The following STXBP5L variants were observed in gnomAD, a reference collection of about 807,000 sequenced individuals.
The protein encoded by STXBP5L is syntaxin-binding protein 5-like.
STXBP5L carries 65 observed loss-of-function variants against 144.5 expected under a neutral mutation model. That is an observed-to-expected ratio of 0.45 (90% confidence interval 0.37 to 0.55). The LOEUF (loss-of-function observed/expected upper bound fraction) is 0.55, where lower values mean the gene tolerates loss of function less well. Among genes scored for constraint, STXBP5L ranks in the 20% least tolerant of loss-of-function variants. The pLI, the probability that STXBP5L is intolerant of heterozygous loss-of-function variation, is 0.00. For synonymous variants in STXBP5L, 505 were observed against 469.6 expected, an observed-to-expected ratio of 1.08 and a Z score of -0.97; for missense variants, 1,298 against 1,405.5, an observed-to-expected ratio of 0.92 and a Z score of 1.22.
intron 9 of STXBP5L, among the ~76,000 whole-genome samples, chr3:121,205,697 A>G (rs954125336): frequency 2.0e-5 from 3 of 152,212 alleles, no homozygotes; most frequent in African/African-American, 7.2e-5. Context: ...ATATAATTTT[A>G]CAGGTAATTT....
At chr3:121,187,483 T>C (rs2047439572) in intron 9 of STXBP5L, among the ~76,000 whole-genome samples, 1 of 150,804 alleles carries the variant, frequency 6.6e-6, no homozygotes, top group Admixed American at 6.6e-5. Flanking sequence ...GGGTGCAGCA[T>C]ACCAACATGG....
At chr3:121,228,793 C>T (rs1434468980) in intron 11 of STXBP5L, among the ~76,000 whole-genome samples, 6 of 152,178 alleles carry the variant, frequency 3.9e-5, no homozygotes, top group Non-Finnish European at 7.3e-5. Context: ...AGAAGAATCG[C>T]TTGAACCTGA....
At chr3:120,977,225 G>T (rs529263623) in intron 3 of STXBP5L, among the ~76,000 whole-genome samples, 4 of 152,158 alleles carry the variant, frequency 2.6e-5, no homozygotes, top group African/African-American at 7.2e-5. Context: ...GAATCTGGGT[G>T]CTCCTGTATT....
intron 3 of STXBP5L, among the ~76,000 whole-genome samples, chr3:121,024,984 A>G (rs1181719120): frequency 6.6e-6 from 1 of 152,124 alleles, no homozygotes; most frequent in Non-Finnish European, 1.5e-5. Flanking sequence ...TGTTAAAATG[A>G]TAGTTTAAAT....
chr3:121,200,527 A>G (rs545515892), intron 9 of STXBP5L, among the ~76,000 whole-genome samples: 2 of 151,744 alleles, frequency 1.3e-5, no homozygotes, highest in South Asian at 2.1e-4. Flanking sequence ...CCAGCTTTTG[A>G]ATTTGTTTGC....
chr3:120,909,802 T>C lies in STXBP5L; in HGVS notation c.189+35T>C, dbSNP rs1438204142. Reference sequence around the variant, plus strand: ...GAATTGGCTTAAAGCCTATTATTTCTTTATTATACTGTTGTAAGGAAACAA... The same window carrying C: ...GAATTGGCTTAAAGCCTATTATTTCCTTATTATACTGTTGTAAGGAAACAA... On this transcript the variant is annotated intron_variant, in intron 2 of 26. Transcript: ENST00000471454. 1.9e-6 allele frequency: 3 copies of C among 1,574,006 alleles called. No individual in the cohort carries two copies. In the South Asian group the frequency reaches 3.5e-5, roughly 18 times the overall value.
intron 3 of STXBP5L, among the ~76,000 whole-genome samples, chr3:121,030,057 G>C (rs1405835567): frequency 6.6e-6 from 1 of 152,196 alleles, no homozygotes; most frequent in Non-Finnish European, 1.5e-5. Context: ...TGGAGAAATA[G>C]GAACACTTTT....
chr3:120,956,545 G>A (rs1253017698), intron 3 of STXBP5L, among the ~76,000 whole-genome samples: 2 of 151,818 alleles, frequency 1.3e-5, no homozygotes, highest in African/African-American at 4.8e-5. Flanking sequence ...TTCATTGTGT[G>A]TATATATCAC....
At chr3:121,369,580 A>AT (rs1194587835) in intron 20 of STXBP5L, among the ~76,000 whole-genome samples, 22 of 148,004 alleles carry the variant, frequency 1.5e-4, no homozygotes, top group East Asian at 4.0e-4. Flanking sequence ...TTTTTCTTTG[A>AT]TTTTTTTTTC....
chr3:121,240,163 A>G (rs528566681), intron 13 of STXBP5L, among the ~76,000 whole-genome samples: 99 of 152,290 alleles, frequency 6.5e-4, no homozygotes, highest in African/African-American at 2.4e-3. Flanking sequence ...TGATGCATGT[A>G]GCAACACTGT....
At chr3:121,087,525 T>G (rs1201370292) in intron 5 of STXBP5L, among the ~76,000 whole-genome samples, 1 of 152,114 alleles carries the variant, frequency 6.6e-6, no homozygotes, top group African/African-American at 2.4e-5. Flanking sequence ...GCACGATATA[T>G]CTTTGTCTAT....
At chr3:121,250,613 T>A in intron 14 of STXBP5L, 110 bp from the exon 15 acceptor site, 1 of 857,276 alleles carries the variant, frequency 1.2e-6, no homozygotes, top group South Asian at 1.6e-5. Context: ...ATTAAAGTGG[T>A]ATTTTTGAAT....
chr3:121,105,072 G>A (rs190005988), intron 5 of STXBP5L, among the ~76,000 whole-genome samples: 52 of 152,168 alleles, frequency 3.4e-4, no homozygotes, highest in African/African-American at 1.2e-3. Context: ...ATCAAAAAGT[G>A]GGCTAAGGAC....
At chr3:120,979,637 C>T (rs138592582) in intron 3 of STXBP5L, among the ~76,000 whole-genome samples, 24 of 152,290 alleles carry the variant, frequency 1.6e-4, no homozygotes, top group African/African-American at 2.2e-4. Flanking sequence ...CCATCTTCTG[C>T]GTCGCTCACA....
At chr3:121,003,793 C>T (rs907575662) in intron 3 of STXBP5L, among the ~76,000 whole-genome samples, 3 of 152,262 alleles carry the variant, frequency 2.0e-5, no homozygotes, top group East Asian at 3.9e-4. Flanking sequence ...TTCCCAGCAC[C>T]ATTTATTAAA....
At chr3:121,340,534 A>T (rs2044670788) in intron 20 of STXBP5L, among the ~76,000 whole-genome samples, 1 of 117,708 alleles carries the variant, frequency 8.5e-6, no homozygotes, top group South Asian at 2.7e-4. Flanking sequence ...CCCCATGTCC[A>T]TATGTTCTCA....
At chr3:121,233,762 A>C in intron 12 of STXBP5L, 74 bp downstream of exon 12, 2 of 1,147,410 alleles carry the variant, frequency 1.7e-6, no homozygotes, top group Non-Finnish European at 2.5e-6. Context: ...TATTCTTTTG[A>C]TAGGAAGTAT....
intron 19 of STXBP5L, among the ~76,000 whole-genome samples, chr3:121,316,840 C>A (rs1020603283): frequency 6.6e-6 from 1 of 152,156 alleles, no homozygotes; most frequent in Non-Finnish European, 1.5e-5. Context: ...CCTTTCTCTG[C>A]CCATTTTTTC....
chr3:120,989,558 G>C (rs1044745484), intron 3 of STXBP5L, among the ~76,000 whole-genome samples: 1 of 152,114 alleles, frequency 6.6e-6, no homozygotes, highest in Non-Finnish European at 1.5e-5. Context: ...TGCATAGTTT[G>C]CAAATATTTG....
Sources: allele counts gnomAD v4.1 joint callset (sites outside exome capture counted in the v4.1 genomes callset), GRCh38; gene constraint gnomAD v4.1.1; transcripts MANE v1.5; gene names NCBI Gene and HGNC (gene_info 2026-07-23, HGNC 2026-07-21).